The following SSBP2 variants were observed in gnomAD, a reference collection of about 807,000 sequenced individuals.
SSBP2 encodes the protein single-stranded DNA-binding protein 2.
A neutral mutation model predicts 61.8 loss-of-function variants in SSBP2; 17 were observed. The observed-to-expected ratio is 0.28, with a 90% CI of 0.19 to 0.41. SSBP2 has a LOEUF of 0.41. SSBP2 is among the 10% of genes least tolerant of loss of function. The probability of loss-of-function intolerance (pLI) is 1.00; values close to 1 mark genes in which losing one functional copy is unlikely to be tolerated. For missense variants in SSBP2, 310 were observed against 458.7 expected (o/e 0.68, Z 2.96); for synonymous variants, 139 against 141.3 (o/e 0.98, Z 0.12).
intron 4 of SSBP2, among the ~76,000 whole-genome samples, chr5:81,545,797 A>G (rs1401711657): frequency 6.6e-6 from 1 of 152,208 alleles, no homozygotes; most frequent in Non-Finnish European, 1.5e-5. Context: ...TGATACCACA[A>G]AAGTTGTTAC....
rs528172574 is a variant in SSBP2 at position 81,590,607 on chromosome 5, A to C, written c.282+24866T>G. Among the ~76,000 whole-genome samples, 5 of 152,344 alleles carry C rather than the reference A, an allele frequency of 3.3e-5. No individual in the cohort carries two copies. The South Asian group carries it at 8.3e-4, about 25-fold the overall frequency. On this transcript the variant is annotated intron_variant, in intron 4 of 16. Transcript: ENST00000320672. ...GCAGGGGGAATGCTCGTCCATTCAC[A>C]GGCTGTTTTCCACATACCTCACAAG...
intron 4 of SSBP2, among the ~76,000 whole-genome samples, chr5:81,515,783 GT>G (rs200882102): frequency 2.7e-5 from 4 of 150,604 alleles, no homozygotes; most frequent in African/African-American, 4.9e-5. Flanking sequence ...TGTTTCCTGG[GT>G]TTTTTTTCTT....
intron 4 of SSBP2, among the ~76,000 whole-genome samples, chr5:81,583,814 G>A (rs941565271): frequency 7.2e-5 from 11 of 152,142 alleles, no homozygotes; most frequent in Middle Eastern, 6.8e-3. Flanking sequence ...ATGTTTACCC[G>A]TCAAATGCCA....
At chr5:81,525,603 C>A (rs550242566) in intron 4 of SSBP2, among the ~76,000 whole-genome samples, 20 of 152,150 alleles carry the variant, frequency 1.3e-4, no homozygotes, top group African/African-American at 4.8e-4. Context: ...TTGATATCAA[C>A]AGTTAGTTCA....
intron 1 of SSBP2, among the ~76,000 whole-genome samples, chr5:81,744,030 AACT>A (rs1757199276): frequency 6.6e-6 from 1 of 152,194 alleles, no homozygotes. Context: ...AAGCCTAATA[AACT>A]CAAGCCTGTT....
chr5:81,611,830 T>C (rs1745479257), intron 4 of SSBP2, among the ~76,000 whole-genome samples: 1 of 152,140 alleles, frequency 6.6e-6, no homozygotes, highest in African/African-American at 2.4e-5. Flanking sequence ...TCCACATTAG[T>C]TTCTTCATTT....
At position 81,614,383 on chromosome 5, in the gene SSBP2, G is replaced by A. The variant is rs200165646; in HGVS notation, c.282+1090C>T. Among the ~76,000 whole-genome samples the A allele has an allele frequency of 9.2e-3, 733 of 80,058 alleles. 1 individual carries two copies. The highest frequency in any genetic ancestry group is 0.014 in the East Asian group (26 of 1,908). The allele number at this position is 80,058 out of a possible 152,430, so 52.5% of individuals were successfully genotyped here. ...TCAAAAAAAAAAAAAAAAAAAAAAA[G>A]AATTGCACAGTCCCTGCCAGGTAGC... On this transcript the variant is annotated intron_variant, in intron 4 of 16. Coordinates refer to ENST00000320672, the MANE Select transcript of SSBP2 (RefSeq NM_012446.5).
intron 1 of SSBP2, among the ~76,000 whole-genome samples, chr5:81,714,295 T>A (rs538265216): frequency 2.6e-5 from 4 of 152,218 alleles, no homozygotes; most frequent in Non-Finnish European, 5.9e-5. Flanking sequence ...ATTTTATTTA[T>A]CCAGTCTATC....
At chr5:81,510,777 C>T (rs1768541710) in intron 5 of SSBP2, among the ~76,000 whole-genome samples, 2 of 151,578 alleles carry the variant, frequency 1.3e-5, no homozygotes, top group Admixed American at 6.6e-5. Flanking sequence ...AAAAAAAATT[C>T]ACTTGGAGTA....
intron 4 of SSBP2, among the ~76,000 whole-genome samples, chr5:81,528,356 G>A (rs1770118838): frequency 6.6e-6 from 1 of 152,058 alleles, no homozygotes; most frequent in Non-Finnish European, 1.5e-5. Flanking sequence ...AGAAGTCAAT[G>A]TAGTTGATAC....
At chr5:81,726,485 G>C (rs1755898638) in intron 1 of SSBP2, among the ~76,000 whole-genome samples, 1 of 152,078 alleles carries the variant, frequency 6.6e-6, no homozygotes. Context: ...GGCCAGAACT[G>C]CCACTGTTAT....
intron 2 of SSBP2, among the ~76,000 whole-genome samples, chr5:81,646,114 A>G (rs187877799): frequency 3.9e-5 from 6 of 152,238 alleles, no homozygotes; most frequent in Non-Finnish European, 5.9e-5. Context: ...TAATGCCTGG[A>G]GTTCCAGTTG....
intron 4 of SSBP2, among the ~76,000 whole-genome samples, chr5:81,575,634 A>G (rs557494916): frequency 6.6e-6 from 1 of 152,328 alleles, no homozygotes; most frequent in African/African-American, 2.4e-5. Flanking sequence ...AAGAATACAT[A>G]GAAAATAGTA....
intron 6 of SSBP2, 110 bp downstream of exon 6, chr5:81,489,140 A>C (rs1766660770): frequency 2.0e-6 from 2 of 997,936 alleles, no homozygotes; most frequent in Non-Finnish European, 3.0e-6. Context: ...AAATAGCATT[A>C]AATGGGACAG....
intron 1 of SSBP2, among the ~76,000 whole-genome samples, chr5:81,657,758 T>A (rs1186208660): frequency 6.6e-6 from 1 of 152,228 alleles, no homozygotes; most frequent in Non-Finnish European, 1.5e-5. Flanking sequence ...TATTCAGCTA[T>A]ATAAAAATAT....
intron 4 of SSBP2, among the ~76,000 whole-genome samples, chr5:81,585,179 C>G (rs999602520): frequency 1.3e-5 from 2 of 151,972 alleles, no homozygotes; most frequent in African/African-American, 2.4e-5. Context: ...ACAATTATTT[C>G]TCCCCACCAA....
At chr5:81,694,944 G>A (rs966674903) in intron 1 of SSBP2, among the ~76,000 whole-genome samples, 1 of 152,168 alleles carries the variant, frequency 6.6e-6, no homozygotes, top group African/African-American at 2.4e-5. Flanking sequence ...AGACTGCAGT[G>A]AGCTGTGACC....
chr5:81,611,958 T>C (rs1330020536), intron 4 of SSBP2, among the ~76,000 whole-genome samples: 2 of 152,168 alleles, frequency 1.3e-5, no homozygotes, highest in Admixed American at 1.3e-4. Context: ...CTGTATTGTG[T>C]ACTTAAAAAT....
At chr5:81,551,097 A>G (rs762003909) in intron 4 of SSBP2, among the ~76,000 whole-genome samples, 31 of 50,710 alleles carry the variant, frequency 6.1e-4, no homozygotes, top group African/African-American at 2.5e-3. Flanking sequence ...CTCCATCTCG[A>G]AAAAAAAAAA....
Sources: gnomAD v4.1 joint callset for allele counts (sites outside exome capture counted in the v4.1 genomes callset) on GRCh38, gnomAD v4.1.1 for gene constraint, MANE v1.5 for transcripts, NCBI Gene and HGNC (gene_info 2026-07-23, HGNC 2026-07-21) for gene names.